The following RNLS variants were observed in gnomAD, a reference collection of about 807,000 sequenced individuals.
RNLS encodes the protein renalase, FAD dependent amine oxidase.
Under a neutral mutation model 39.8 loss-of-function variants are expected in RNLS, and 39 were observed. That is an observed-to-expected ratio of 0.98 (90% CI 0.76 to 1.28). RNLS has a LOEUF of 1.28. Among genes scored for constraint, RNLS ranks in the 50% most tolerant of loss-of-function variants. RNLS has a pLI of 0.00. For missense variants in RNLS, 410 were observed against 413.3 expected (o/e 0.99, Z 0.07); for synonymous variants, 147 against 150.7 (o/e 0.98, Z 0.18).
intron 6 of RNLS, among the ~76,000 whole-genome samples, chr10:88,291,228 A>C (rs1260315707): frequency 6.6e-6 from 1 of 152,188 alleles, no homozygotes; most frequent in Non-Finnish European, 1.5e-5. Context: ...GTGCTTTTTC[A>C]GTTAAGTAGC....
At chr10:88,575,351 T>C (rs1448205487) in intron 3 of RNLS, among the ~76,000 whole-genome samples, 3 of 150,478 alleles carry the variant, frequency 2.0e-5, no homozygotes, top group Admixed American at 6.6e-5. Flanking sequence ...TACTAGAAAA[T>C]GCACATTCCT....
chr10:88,503,838 G>C (rs1157219039), intron 4 of RNLS, among the ~76,000 whole-genome samples: 6 of 152,170 alleles, frequency 3.9e-5, no homozygotes, highest in Admixed American at 3.9e-4. Flanking sequence ...TAGCAGACAG[G>C]ATTGGATGTC....
intron 4 of RNLS, among the ~76,000 whole-genome samples, chr10:88,458,661 G>T (rs1464172005): frequency 6.6e-6 from 1 of 152,086 alleles, no homozygotes; most frequent in Non-Finnish European, 1.5e-5. Context: ...ATGGGGCCTT[G>T]TCTACCTGTC....
chr10:88,343,477 G>T (rs1848102837), intron 5 of RNLS: 1 of 859,648 alleles, frequency 1.2e-6, no homozygotes, highest in Middle Eastern at 6.0e-4. Flanking sequence ...GCAATCAAGA[G>T]CCAGTGATGA....
intron 4 of RNLS, among the ~76,000 whole-genome samples, chr10:88,527,341 G>T (rs907818698): frequency 6.6e-6 from 1 of 152,142 alleles, no homozygotes; most frequent in Non-Finnish European, 1.5e-5. Context: ...TTGGGAGCAG[G>T]ACCCTCACAT....
At chr10:88,434,217 T>G (rs1171169211) in intron 4 of RNLS, among the ~76,000 whole-genome samples, 3 of 152,192 alleles carry the variant, frequency 2.0e-5, no homozygotes, top group Non-Finnish European at 2.9e-5. Flanking sequence ...GAAACATCAA[T>G]GCACTAGTCG....
At chr10:88,454,733 C>G (rs955735903) in intron 4 of RNLS, among the ~76,000 whole-genome samples, 1 of 152,080 alleles carries the variant, frequency 6.6e-6, no homozygotes, top group East Asian at 1.9e-4. Flanking sequence ...ACATCTTTCC[C>G]CTGTGACCAA....
At chr10:88,479,177 A>G (rs1844001117) in intron 4 of RNLS, among the ~76,000 whole-genome samples, 2 of 152,230 alleles carry the variant, frequency 1.3e-5, no homozygotes, top group Non-Finnish European at 1.5e-5. Flanking sequence ...TATTAAGCAT[A>G]TAACAGGTAT....
the RNLS span, among the ~76,000 whole-genome samples, chr10:88,230,708 C>G: frequency 2.6e-4 from 40 of 152,294 alleles, no homozygotes; most frequent in Middle Eastern, 6.8e-3. Flanking sequence ...TTATATAGCT[C>G]CAACCTATTA....
the RNLS span, among the ~76,000 whole-genome samples, chr10:88,230,502 T>C: frequency 0.15 from 22,375 of 152,128 alleles, 1,787 homozygotes; most frequent in South Asian, 0.22. Flanking sequence ...TGTCGTGCCT[T>C]CTTCCCCCTC....
chr10:88,581,341 T>C (rs908016618), intron 3 of RNLS, among the ~76,000 whole-genome samples: 1 of 147,554 alleles, frequency 6.8e-6, no homozygotes. Context: ...ATATTATAGA[T>C]AAATAGAGAC....
At chr10:88,206,554 A>G in the RNLS span, among the ~76,000 whole-genome samples, 1 of 152,168 alleles carries the variant, frequency 6.6e-6, no homozygotes, top group African/African-American at 2.4e-5. Flanking sequence ...CAGGGACCCT[A>G]GTCACCTGAA....
chr10:88,260,839 A>G, the RNLS span, among the ~76,000 whole-genome samples: 1 of 152,252 alleles, frequency 6.6e-6, no homozygotes, highest in Non-Finnish European at 1.5e-5. Context: ...TTTGCTTAGC[A>G]GAAACTAAAA....
the RNLS span, among the ~76,000 whole-genome samples, chr10:88,245,336 G>A: frequency 4.6e-5 from 7 of 152,316 alleles, no homozygotes; most frequent in Admixed American, 1.3e-4. Context: ...TTGGGCTTAC[G>A]TTATTAAGGC....
rs939195279 is a variant in RNLS, at chr10:88,512,488, C to A, written c.526+60415G>T. 2.0e-5 allele frequency among the ~76,000 whole-genome samples: 3 copies of A among 152,128 alleles called. No homozygotes were observed. The East Asian group carries it at 5.8e-4, about 29-fold the overall frequency. On this transcript the variant is annotated intron_variant, in intron 4 of 6. Transcript: ENST00000331772. ...AACAACATAGGTAATACAGGCTCCC[C>A]ATTAAGCCAGTTGCCCAAACTTGTC...
chr10:88,209,926 C>A, the RNLS span, among the ~76,000 whole-genome samples: 1 of 150,500 alleles, frequency 6.6e-6, no homozygotes, highest in Admixed American at 6.6e-5. Context: ...AGGAAACTTG[C>A]CTATGGTCAT....
chr10:88,470,613 TTTAA>T (rs1323102205), intron 4 of RNLS, among the ~76,000 whole-genome samples: 4 of 111,176 alleles, frequency 3.6e-5, no homozygotes, highest in Non-Finnish European at 6.9e-5. Flanking sequence ...GTTTTGTAAT[TTTAA>T]TTTTTTTTTT....
chr10:88,399,667 T>C (rs1230352728), intron 4 of RNLS, among the ~76,000 whole-genome samples: 1 of 152,070 alleles, frequency 6.6e-6, no homozygotes, highest in Non-Finnish European at 1.5e-5. Context: ...TTTGACGTGA[T>C]GAAAATATTC....
At chr10:88,579,314 G>A (rs980527014) in intron 3 of RNLS, among the ~76,000 whole-genome samples, 6 of 152,214 alleles carry the variant, frequency 3.9e-5, no homozygotes, top group Middle Eastern at 6.8e-3. Flanking sequence ...AATCAAACAC[G>A]GTAGGTCAGA....
Sources: allele counts gnomAD v4.1 joint callset (sites outside exome capture counted in the v4.1 genomes callset), GRCh38; gene constraint gnomAD v4.1.1; transcripts MANE v1.5; gene names NCBI Gene and HGNC (gene_info 2026-07-23, HGNC 2026-07-21).